The following ADGRB3 variants were observed in gnomAD, a reference collection of about 807,000 sequenced individuals.
ADGRB3 encodes brain-specific angiogenesis inhibitor 3.
Under a neutral mutation model 193.4 loss-of-function variants are expected in ADGRB3, and 37 were observed. That is an observed-to-expected ratio of 0.19 (90% CI 0.15 to 0.25). The LOEUF (loss-of-function observed/expected upper bound fraction) is 0.25, where lower values mean the gene tolerates loss of function less well. ADGRB3 is among the 10% of genes least tolerant of loss of function. The probability of loss-of-function intolerance (pLI) is 1.00; values close to 1 mark genes in which losing one functional copy is unlikely to be tolerated. For synonymous variants in ADGRB3, 690 were observed against 644.2 expected (o/e 1.07, Z -1.08); for missense variants, 1,637 against 1,852.9 (o/e 0.88, Z 2.14).
chr6:69,298,087 G>A (rs900803217), intron 20 of ADGRB3, among the ~76,000 whole-genome samples: 1 of 152,036 alleles, frequency 6.6e-6, no homozygotes, highest in Non-Finnish European at 1.5e-5. Context: ...AAGAAAAATT[G>A]CATGGAACAC....
intron 8 of ADGRB3, among the ~76,000 whole-genome samples, chr6:68,966,750 C>A (rs555854801): frequency 6.6e-6 from 1 of 152,194 alleles, no homozygotes; most frequent in South Asian, 2.1e-4. Flanking sequence ...CAAGAGACAT[C>A]GACTATTCTT....
intron 17 of ADGRB3, 66 bp downstream of exon 17, chr6:69,076,104 G>C: frequency 7.2e-7 from 1 of 1,385,906 alleles, no homozygotes; most frequent in Non-Finnish European, 1.0e-6. Context: ...AGTTAGTTCA[G>C]CTGCCTGCTA....
intron 3 of ADGRB3, among the ~76,000 whole-genome samples, chr6:68,769,646 T>G (rs1285438304): frequency 6.6e-6 from 1 of 151,990 alleles, no homozygotes; most frequent in African/African-American, 2.4e-5. Context: ...ATGTAAGAAG[T>G]CTGCACCTTC....
At position 69,316,993 on chromosome 6, in the gene ADGRB3, A is replaced by G. The variant is rs562923298; in HGVS notation, c.2815-7879A>G. Among the ~76,000 whole-genome samples the G allele has an allele frequency of 6.6e-5, 10 of 151,646 alleles. No individual in the cohort carries two copies. In the East Asian group the frequency reaches 9.7e-4, roughly 15 times the overall value. On this transcript the variant is annotated intron_variant, in intron 20 of 31. Transcript: ENST00000370598. ...AAATATGGAATCAAGCGTAGTTACT[A>G]TTTTTTGATATTAGATGTGAGAATA... is the stretch of plus-strand genomic sequence containing the variant.
chr6:68,662,445 G>T (rs902814034), intron 3 of ADGRB3, among the ~76,000 whole-genome samples: 1 of 151,506 alleles, frequency 6.6e-6, no homozygotes, highest in Non-Finnish European at 1.5e-5. Flanking sequence ...ATATTGAAAA[G>T]AAAAATCAGA....
intron 3 of ADGRB3, among the ~76,000 whole-genome samples, chr6:68,820,394 G>A (rs140472475): frequency 1.8e-3 from 269 of 151,834 alleles, no homozygotes; most frequent in African/African-American, 6.2e-3. Flanking sequence ...TATTTATGGG[G>A]AATATGCAAT....
At chr6:69,097,193 G>A (rs899327273) in intron 17 of ADGRB3, among the ~76,000 whole-genome samples, 37 of 152,156 alleles carry the variant, frequency 2.4e-4, no homozygotes, top group Admixed American at 8.5e-4. Context: ...CATGAGATTA[G>A]CATATCTATG....
chr6:69,247,281 T>C (rs1433210874), intron 20 of ADGRB3, among the ~76,000 whole-genome samples: 3 of 152,182 alleles, frequency 2.0e-5, no homozygotes, highest in South Asian at 2.1e-4. Context: ...AGTACCTAAG[T>C]TGACTTTGTG....
chr6:69,027,009 T>G (rs1370801152), intron 13 of ADGRB3, among the ~76,000 whole-genome samples: 1 of 152,080 alleles, frequency 6.6e-6, no homozygotes, highest in Non-Finnish European at 1.5e-5. Context: ...TACACTAAAT[T>G]TATTAAAAAA....
intron 17 of ADGRB3, among the ~76,000 whole-genome samples, chr6:69,203,502 T>C (rs944027489): frequency 2.6e-5 from 4 of 152,028 alleles, no homozygotes; most frequent in African/African-American, 9.7e-5. Context: ...TCAGACATGC[T>C]ATGAATTATT....
At chr6:68,744,740 G>A (rs182344619) in intron 3 of ADGRB3, among the ~76,000 whole-genome samples, 2 of 152,218 alleles carry the variant, frequency 1.3e-5, no homozygotes, top group East Asian at 1.9e-4. Flanking sequence ...CCTGTTGGGG[G>A]ATATGGGGTT....
At chr6:69,312,234 A>G (rs1351528207) in intron 20 of ADGRB3, among the ~76,000 whole-genome samples, 1 of 151,744 alleles carries the variant, frequency 6.6e-6, no homozygotes, top group Non-Finnish European at 1.5e-5. Context: ...ATCAAATAGG[A>G]ATTGGTGATT....
intron 3 of ADGRB3, among the ~76,000 whole-genome samples, chr6:68,747,344 C>G (rs754500848): frequency 2.0e-5 from 3 of 152,094 alleles, no homozygotes; most frequent in Non-Finnish European, 2.9e-5. Context: ...TTGTCAGCAG[C>G]AAAGGTAGTG....
chr6:68,957,182 G>A (rs1237079536), intron 8 of ADGRB3, among the ~76,000 whole-genome samples: 1 of 152,256 alleles, frequency 6.6e-6, no homozygotes, highest in East Asian at 1.9e-4. Context: ...ACTTGCGTTT[G>A]CCCCATTTTT....
chr6:68,909,052 G>T (rs1157176042), intron 3 of ADGRB3, among the ~76,000 whole-genome samples: 1 of 152,080 alleles, frequency 6.6e-6, no homozygotes, highest in Non-Finnish European at 1.5e-5. Flanking sequence ...TTCCTTGGAA[G>T]ACATTGGAGA....
chr6:69,254,915 T>C (rs569517382), intron 20 of ADGRB3, among the ~76,000 whole-genome samples: 202 of 142,782 alleles, frequency 1.4e-3, no homozygotes, highest in African/African-American at 4.8e-3. Flanking sequence ...TGTCCATGTG[T>C]TCTCATTGTT....
chr6:68,894,576 T>C lies in ADGRB3; in HGVS notation c.758-35983T>C, dbSNP rs142908124. On this transcript the variant is annotated intron_variant, in intron 3 of 31. Transcript: ENST00000370598. ...TCTGCCTCCCTTGCCCAAAGGAGTATAGTAGAAAGTAGATAATTACCTTAT... is the reference window on the plus strand; with the variant it reads ...TCTGCCTCCCTTGCCCAAAGGAGTACAGTAGAAAGTAGATAATTACCTTAT... Among the ~76,000 whole-genome samples, 342 of 151,986 alleles carry C rather than the reference T, an allele frequency of 2.3e-3. 1 individual carries two copies. The highest frequency in any genetic ancestry group is 7.9e-3 in the African/African-American group (330 of 41,522).
At chr6:69,361,575 T>C in intron 29 of ADGRB3, 63 bp downstream of exon 29, 1 of 1,484,592 alleles carries the variant, frequency 6.7e-7, no homozygotes, top group South Asian at 1.3e-5. Flanking sequence ...TAAATAGAGA[T>C]ATTGATTGAT....
At chr6:69,211,299 C>T (rs1219985987) in intron 17 of ADGRB3, among the ~76,000 whole-genome samples, 2 of 151,946 alleles carry the variant, frequency 1.3e-5, no homozygotes, top group African/African-American at 4.8e-5. Flanking sequence ...CGTGATAGAG[C>T]CAATAAAAGA....
Sources: gnomAD v4.1 joint callset for allele counts (sites outside exome capture counted in the v4.1 genomes callset) on GRCh38, gnomAD v4.1.1 for gene constraint, MANE v1.5 for transcripts, NCBI Gene and HGNC (gene_info 2026-07-23, HGNC 2026-07-21) for gene names.